The following PDZRN3 variants were observed in gnomAD, a reference collection of about 807,000 sequenced individuals.
The protein encoded by PDZRN3 is PDZ domain containing ring finger 3.
In PDZRN3, 38 loss-of-function variants were observed where a neutral mutation model predicts 85.7. That is an observed-to-expected ratio of 0.44 (90% CI 0.34 to 0.58). The LOEUF (loss-of-function observed/expected upper bound fraction) is 0.58. Among genes scored for constraint, PDZRN3 ranks in the 20% least tolerant of loss-of-function variants. PDZRN3 has a pLI of 0.01. For synonymous variants in PDZRN3, 759 were observed against 638.0 expected (o/e 1.19, Z -2.86); for missense variants, 1,629 against 1,506.4 (o/e 1.08, Z -1.35).
At position 73,456,003 on chromosome 3, in the gene PDZRN3, CT is replaced by C. The variant is rs1207724215; in HGVS notation, c.919-51609del. Among the ~76,000 whole-genome samples, 9 of 152,164 alleles carry C rather than the reference CT, an allele frequency of 5.9e-5. 1 individual carries two copies. The highest frequency in any genetic ancestry group is 6.3e-3 in the Middle Eastern group (2 of 316). On this transcript the variant is annotated intron_variant, in intron 3 of 9. Transcript: ENST00000263666. ...AACCCTGCATAAATAATAACCATTTCTTCTGGGTATCTTATAAAATAGTGGT... is the reference window on the plus strand; with the variant it reads ...AACCCTGCATAAATAATAACCATTTCTCTGGGTATCTTATAAAATAGTGGT...
At chr3:73,498,878 T>C (rs7617066) in intron 3 of PDZRN3, among the ~76,000 whole-genome samples, 152,198 of 152,254 alleles carry the variant, frequency 1, 76,071 homozygotes, top group Middle Eastern at 1. Flanking sequence ...TCATCGTGCC[T>C]GGCCCGTATG....
intron 3 of PDZRN3, among the ~76,000 whole-genome samples, chr3:73,568,923 G>C (rs1436318939): frequency 2.0e-5 from 3 of 152,200 alleles, no homozygotes; most frequent in African/African-American, 7.2e-5. Flanking sequence ...GTCTTTAAGA[G>C]AGATTTGCAC....
intron 3 of PDZRN3, among the ~76,000 whole-genome samples, chr3:73,579,311 T>G (rs1386725387): frequency 1.3e-5 from 2 of 152,196 alleles, no homozygotes; most frequent in African/African-American, 4.8e-5. Context: ...ACAGTGAATT[T>G]CTGTTGTGTA....
At chr3:73,394,741 G>T (rs1287938304) in intron 5 of PDZRN3, among the ~76,000 whole-genome samples, 2 of 152,192 alleles carry the variant, frequency 1.3e-5, no homozygotes, top group East Asian at 3.8e-4. Flanking sequence ...GAAGGCACAG[G>T]ATACCACTTA....
Position 73,624,502 on chromosome 3 carries a change from C to G in PDZRN3, c.324G>C (p.Ala108=), listed in dbSNP as rs978747369. ...AACCCGCGTGGCGACAGCGCGCGGG[C>G]GCGAAGTCGCAGCGCTCGAGGTGCT... ...LPEHLERCDF[A]PARCRHAGCG... is the part of the protein sequence containing the mutation. Residue 108 remains alanine (A), a synonymous_variant, in exon 1 of 10, where the codon GCG becomes GCC. Transcript: ENST00000263666. 13 of 1,430,582 alleles carry G rather than the reference C, an allele frequency of 9.1e-6. No individual in the cohort carries two copies. The highest frequency in any genetic ancestry group is 1.0e-5 in the Non-Finnish European group (11 of 1,099,432). The allele number at this position is 1,430,582 out of a possible 1,614,324, so 88.6% of individuals were successfully genotyped here.
chr3:73,415,801 A>G (rs1327232662), intron 3 of PDZRN3, among the ~76,000 whole-genome samples: 1 of 152,194 alleles, frequency 6.6e-6, no homozygotes, highest in African/African-American at 2.4e-5. Context: ...ATGTAACTCC[A>G]TCGTAAGTTA....
intron 3 of PDZRN3, among the ~76,000 whole-genome samples, chr3:73,550,669 A>T (rs575876637): frequency 5.3e-5 from 8 of 152,356 alleles, no homozygotes; most frequent in Non-Finnish European, 7.3e-5. Context: ...GTTTCTAAAA[A>T]ATGAAGGCAC....
At chr3:73,471,072 G>GCAGA (rs1389742631) in intron 3 of PDZRN3, among the ~76,000 whole-genome samples, 36 of 152,110 alleles carry the variant, frequency 2.4e-4, no homozygotes, top group Non-Finnish European at 4.9e-4. Context: ...TTGGAAATAG[G>GCAGA]GTCTTTACAG....
At chr3:73,395,464 G>A (rs1701616072) in intron 5 of PDZRN3, among the ~76,000 whole-genome samples, 1 of 152,194 alleles carries the variant, frequency 6.6e-6, no homozygotes, top group Admixed American at 6.5e-5. Context: ...AGTTAAGCCT[G>A]ACATTTCAGA....
intron 3 of PDZRN3, among the ~76,000 whole-genome samples, chr3:73,586,825 G>C (rs561792869): frequency 6.6e-6 from 1 of 152,304 alleles, no homozygotes; most frequent in Admixed American, 6.5e-5. Context: ...GCCTCCAAAG[G>C]CTGGAGCTAT....
chr3:73,402,408 CT>C (rs1320996197), intron 4 of PDZRN3: 1 of 152,288 alleles, frequency 6.6e-6, no homozygotes, highest in African/African-American at 2.4e-5. Context: ...CTACAGGGTA[CT>C]GTGGTTCAGA....
At chr3:73,480,190 C>T (rs562004460) in intron 3 of PDZRN3, among the ~76,000 whole-genome samples, 8 of 152,324 alleles carry the variant, frequency 5.3e-5, no homozygotes, top group Admixed American at 5.2e-4. Context: ...TCTAAAACCA[C>T]TGGGGCATGA....
intron 3 of PDZRN3, among the ~76,000 whole-genome samples, chr3:73,564,279 G>C (rs1422232950): frequency 6.6e-6 from 1 of 152,162 alleles, no homozygotes; most frequent in African/African-American, 2.4e-5. Context: ...GAGCTGTTCA[G>C]ACCTTAGCTG....
intron 3 of PDZRN3, among the ~76,000 whole-genome samples, chr3:73,508,035 C>T (rs991516405): frequency 6.6e-6 from 1 of 151,890 alleles, no homozygotes; most frequent in African/African-American, 2.4e-5. Context: ...GTGAAGGTTG[C>T]AATGAGCCGA....
intron 3 of PDZRN3, among the ~76,000 whole-genome samples, chr3:73,465,151 T>C (rs1703187452): frequency 6.6e-6 from 1 of 152,216 alleles, no homozygotes; most frequent in Admixed American, 6.5e-5. Flanking sequence ...CCATGCTAAA[T>C]GAAAGCACTC....
rs1553704249 is a variant in PDZRN3, at chr3:73,574,463, G to GC, written c.918+27890_918+27891insG. 4.2e-5 allele frequency among the ~76,000 whole-genome samples: 6 copies of GC among 141,536 alleles called. No homozygotes were observed. The South Asian group carries it at 9.5e-4, about 22-fold the overall frequency. 92.9% of individuals were successfully genotyped at this position (141,536 alleles called of 152,430 possible). A position where few individuals can be genotyped will look rare whatever the true frequency, so the allele number is the denominator to read the frequency against. On this transcript the variant is annotated intron_variant, in intron 3 of 9. Coordinates refer to ENST00000263666, the MANE Select transcript of PDZRN3 (RefSeq NM_015009.3). Reference sequence around the variant, plus strand: ...CACTTTTTTTTGGCTGGGGTGGGGGGGGTGGGGAGGGCGGAAATGGAGTCT... The same window carrying GC: ...CACTTTTTTTTGGCTGGGGTGGGGGGCGGTGGGGAGGGCGGAAATGGAGTCT...
chr3:73,396,088 T>G (rs1701629590), intron 5 of PDZRN3, among the ~76,000 whole-genome samples: 1 of 152,122 alleles, frequency 6.6e-6, no homozygotes, highest in Admixed American at 6.5e-5. Flanking sequence ...CCAGGTATGG[T>G]GGCACATACC....
intron 5 of PDZRN3, among the ~76,000 whole-genome samples, chr3:73,393,154 C>T (rs913899381): frequency 1.3e-5 from 2 of 152,110 alleles, no homozygotes; most frequent in African/African-American, 4.8e-5. Flanking sequence ...GCAGGAGACA[C>T]ATCTTGCTGA....
chr3:73,385,557 T>C, intron 9 of PDZRN3, 112 bp downstream of exon 9: 1 of 685,414 alleles, frequency 1.5e-6, no homozygotes, highest in East Asian at 2.6e-5. Context: ...CTTGCTGCCT[T>C]CCAGGTGGAT....
Sources: allele counts gnomAD v4.1 joint callset (sites outside exome capture counted in the v4.1 genomes callset), GRCh38; gene constraint gnomAD v4.1.1; transcripts MANE v1.5; gene names NCBI Gene and HGNC (gene_info 2026-07-23, HGNC 2026-07-21).